The following SLC22A24 variants were observed in gnomAD, a reference collection of about 807,000 sequenced individuals.
SLC22A24 encodes the protein solute carrier family 22 member 24.
In SLC22A24, 53 loss-of-function variants were observed where a neutral mutation model predicts 49.8. The observed-to-expected ratio is 1.06, with a 90% CI of 0.85 to 1.34. The LOEUF is 1.34. Ranked by LOEUF, SLC22A24 falls within the 40% of genes most tolerant of loss-of-function variation. The probability of loss-of-function intolerance (pLI) is 0.00; values close to 1 mark genes in which losing one functional copy is unlikely to be tolerated. For missense variants in SLC22A24, 786 were observed against 675.9 expected (o/e 1.16, Z -1.81); for synonymous variants, 302 against 256.4 (o/e 1.18, Z -1.70).
At position 63,143,523 on chromosome 11, in the gene SLC22A24, T is replaced by C; in HGVS notation, c.257A>G (p.Gln86Arg). The change falls in exon 1 of 10, where the codon CAG (glutamine) becomes CGG (arginine). Residue 86 changes from glutamine to arginine, a missense_variant. Coordinates refer to ENST00000612278, the MANE Select transcript of SLC22A24 (RefSeq NM_001136506.2). ...GGGATGGATAAAGCGCTGACACTTC[T>C]GTGGCCTCAGGTTTGAGTCCAGTGG... ...SIPLDSNLRP[Q>R]KCQRFIHPQW... is the part of the protein sequence containing the mutation. 6.3e-7 allele frequency: 1 copy of C among 1,597,746 alleles called. No homozygotes were observed. The highest frequency in any genetic ancestry group is 8.5e-7 in the Non-Finnish European group (1 of 1,172,698).
chr11:63,105,000 A>T (rs2087111626), intron 4 of SLC22A24, among the ~76,000 whole-genome samples: 1 of 152,256 alleles, frequency 6.6e-6, no homozygotes, highest in East Asian at 1.9e-4. Flanking sequence ...ATGGGGGTAT[A>T]GCAGTGGATT....
rs1257203833 is a variant in SLC22A24 at position 63,096,043 on chromosome 11, G to A, written c.1018C>T (p.Leu340=). The change falls in exon 6 of 10, where the codon CTG becomes TTG. Residue 340 remains leucine (L), a synonymous_variant. Transcript: ENST00000612278. ...AVRIKTSIFS[L]FRAPKLRMRV... ...ATTCGCAATTTGGGTGCACGGAACAGGGAAAAAATGGATGTTTTAATTCGG... is the reference window on the plus strand; with the variant it reads ...ATTCGCAATTTGGGTGCACGGAACAAGGAAAAAATGGATGTTTTAATTCGG... 1.3e-6 allele frequency: 2 copies of A among 1,550,940 alleles called. No individual in the cohort carries two copies. Among genetic ancestry groups the A allele is most frequent in the Admixed American group, 2.0e-5 (1 of 50,940 alleles).
At chr11:63,114,323 A>G (rs1196928024) in intron 4 of SLC22A24, among the ~76,000 whole-genome samples, 1 of 152,044 alleles carries the variant, frequency 6.6e-6, no homozygotes, top group Non-Finnish European at 1.5e-5. Flanking sequence ...TTGATCTTCA[A>G]TCACTGATAC....
intron 4 of SLC22A24, among the ~76,000 whole-genome samples, chr11:63,106,733 A>G (rs2087124145): frequency 6.6e-6 from 1 of 152,144 alleles, no homozygotes; most frequent in Admixed American, 6.5e-5. Context: ...TCTTCTTTTG[A>G]GAAGTGTCTG....
chr11:63,116,073 A>C, intron 4 of SLC22A24: 2 of 358,516 alleles, frequency 5.6e-6, no homozygotes, highest in Non-Finnish European at 5.1e-6. Context: ...CTTGTTGCTG[A>C]CACTCTTTGG....
At chr11:63,107,553 C>T (rs1200816217) in intron 4 of SLC22A24, among the ~76,000 whole-genome samples, 1 of 152,192 alleles carries the variant, frequency 6.6e-6, no homozygotes, top group Non-Finnish European at 1.5e-5. Context: ...ATTGACTCTT[C>T]CTGTCCATGA....
At chr11:63,124,507 T>C (rs2087274434) in intron 2 of SLC22A24, among the ~76,000 whole-genome samples, 1 of 152,198 alleles carries the variant, frequency 6.6e-6, no homozygotes, top group Non-Finnish European at 1.5e-5. Flanking sequence ...CTTCATTTGA[T>C]AGGAGGTTGA....
chr11:63,133,729 C>T lies in SLC22A24; in HGVS notation c.506+936G>A, dbSNP rs1037432099. Among the ~76,000 whole-genome samples the T allele has an allele frequency of 2.0e-5, 3 of 152,072 alleles. No homozygotes were observed. The East Asian group carries it at 5.8e-4, about 29-fold the overall frequency. ...TGATCTCAGCTCACTGCAACCTCTG[C>T]CTTCTGGGTTCAGGTGATTCTCACA... On this transcript the variant is annotated intron_variant, in intron 2 of 9. Coordinates refer to ENST00000612278, the MANE Select transcript of SLC22A24 (RefSeq NM_001136506.2).
intron 2 of SLC22A24, among the ~76,000 whole-genome samples, chr11:63,126,510 T>C (rs536367855): frequency 6.6e-6 from 1 of 152,166 alleles, no homozygotes; most frequent in African/African-American, 2.4e-5. Flanking sequence ...TCTGTTCCAT[T>C]GGTCTATATA....
chr11:63,099,733 G>A (rs1486910692), intron 5 of SLC22A24, among the ~76,000 whole-genome samples: 1 of 151,818 alleles, frequency 6.6e-6, no homozygotes, highest in African/African-American at 2.4e-5. Flanking sequence ...TTCACGGCCA[G>A]GCAGAATTTA....
chr11:63,084,213 A>C (rs76308443), intron 6 of SLC22A24, among the ~76,000 whole-genome samples: 11 of 152,296 alleles, frequency 7.2e-5, no homozygotes, highest in African/African-American at 2.6e-4. Flanking sequence ...CCTGGACTTG[A>C]GTGCAGTGGC....
chr11:63,130,575 C>T (rs982996600), intron 2 of SLC22A24, among the ~76,000 whole-genome samples: 1 of 152,134 alleles, frequency 6.6e-6, no homozygotes, highest in African/African-American at 2.4e-5. Context: ...GTACCTATGG[C>T]AGAATTCGGC....
chr11:63,134,002 G>T (rs2087355512), intron 2 of SLC22A24, among the ~76,000 whole-genome samples: 1 of 152,296 alleles, frequency 6.6e-6, no homozygotes, highest in South Asian at 2.1e-4. Context: ...GAGTAGATTA[G>T]TAGATAAATA....
chr11:63,111,722 T>C (rs1291703585), intron 4 of SLC22A24, among the ~76,000 whole-genome samples: 2 of 152,090 alleles, frequency 1.3e-5, no homozygotes, highest in Non-Finnish European at 2.9e-5. Context: ...TTATTGTGTC[T>C]ATTTGATTCT....
Position 63,081,540 on chromosome 11 carries a change from G to A in SLC22A24, c.1394+18C>T, listed in dbSNP as rs751091288. The A allele has an allele frequency of 4.0e-6, 6 of 1,505,984 alleles. No homozygotes were observed. In the South Asian group the frequency reaches 6.0e-5, roughly 15 times the overall value. The allele number at this position is 1,505,984 out of a possible 1,614,324, so 93.3% of individuals were successfully genotyped here. A position where few individuals can be genotyped will look rare whatever the true frequency, so the allele number is the denominator to read the frequency against. ...AGAAATTTGTGTTTTGAAACCAGATGGTCTTTAGCTCTTGTACCTCAATAT... is the reference window on the plus strand; with the variant it reads ...AGAAATTTGTGTTTTGAAACCAGATAGTCTTTAGCTCTTGTACCTCAATAT... On this transcript the variant is annotated intron_variant, in intron 8 of 9. Transcript: ENST00000612278.
chr11:63,108,612 G>C (rs1471234356), intron 4 of SLC22A24, among the ~76,000 whole-genome samples: 3 of 152,154 alleles, frequency 2.0e-5, no homozygotes. Context: ...TTTATAGCCT[G>C]TTATTGGTCT....
chr11:63,083,444 C>G lies in SLC22A24; in HGVS notation c.1084G>C (p.Val362Leu), dbSNP rs1273618027. The change falls in exon 7 of 10, where the codon GTA becomes CTA. Residue 362 changes from valine (V) to leucine (L), a missense_variant. Transcript: ENST00000612278. ...GLCFVRFAIT[V>L]PFYGLILNLQ... ...TTGAGTATCAGGCCATAAAAGGGTA[C>G]AGTGATTGCGAATCTGAAGTGAATA... 1 of 1,550,920 alleles carries G rather than the reference C, an allele frequency of 6.4e-7. No homozygotes were observed. Among genetic ancestry groups the G allele is most frequent in the African/African-American group, 1.4e-5 (1 of 73,096 alleles).
In SLC22A24 at chr11:63,143,524, GT is replaced by G; in HGVS notation, c.255del (p.Gln86ArgfsTer16). The G allele has an allele frequency of 6.3e-7, 1 of 1,596,514 alleles. No individual in the cohort carries two copies. Among genetic ancestry groups the G allele is most frequent in the South Asian group, 1.1e-5 (1 of 87,978 alleles). On this transcript the variant is annotated frameshift_variant, in exon 1 of 10. Transcript: ENST00000612278. LOFTEE classifies it high-confidence loss of function. The stretch of plus-strand genomic sequence containing the variant: ...GGATGGATAAAGCGCTGACACTTCT[GT>G]GGCCTCAGGTTTGAGTCCAGTGGGA... Reference protein sequence around the residue: ...ISIPLDSNLRPQKCQRFIHPQ... With the variant: ...ISIPLDSNLRXQKCQRFIHPQ...
chr11:63,106,219 G>A (rs576316740), intron 4 of SLC22A24, among the ~76,000 whole-genome samples: 1 of 152,016 alleles, frequency 6.6e-6, no homozygotes, highest in African/African-American at 2.4e-5. Flanking sequence ...TGCTGAGAAC[G>A]ATGGTTTCCA....
Sources: allele counts gnomAD v4.1 joint callset (sites outside exome capture counted in the v4.1 genomes callset), GRCh38; gene constraint gnomAD v4.1.1; transcripts MANE v1.5; gene names NCBI Gene and HGNC (gene_info 2026-07-23, HGNC 2026-07-21).